Variants in DNAH5 observed in about 807,000 individuals in gnomAD.
DNAH5 encodes the protein axonemal beta dynein heavy chain 5.
DNAH5 carries 372 observed loss-of-function variants against 518.2 expected under a neutral mutation model. The observed-to-expected ratio is 0.72, with a 90% CI of 0.66 to 0.78. The LOEUF (loss-of-function observed/expected upper bound fraction) is 0.78, where lower values mean the gene tolerates loss of function less well. Ranked by LOEUF, DNAH5 falls within the 30% of genes least tolerant of loss-of-function variation. DNAH5 has a pLI of 0.00. For synonymous variants in DNAH5, 2,039 were observed against 2,025.9 expected (o/e 1.01, Z -0.17); for missense variants, 5,523 against 5,687.0 (o/e 0.97, Z 0.93).
At chr5:13,726,863 G>A (rs1025966188) in intron 70 of DNAH5, among the ~76,000 whole-genome samples, 10 of 152,194 alleles carry the variant, frequency 6.6e-5, no homozygotes, top group African/African-American at 2.4e-4. Context: ...AACCTGGGCT[G>A]AATATCAGCG....
chr5:13,859,677 T>TA, intron 29 of DNAH5, 72 bp from the exon 30 acceptor site: 1 of 1,464,778 alleles, frequency 6.8e-7, no homozygotes, highest in Non-Finnish European at 9.5e-7. Context: ...AAAAGGTTTT[T>TA]AAAAATCTTA....
In DNAH5 at chr5:13,737,299, G is replaced by T. The variant is rs1747648564; in HGVS notation, c.11408C>A (p.Ala3803Asp). 5.0e-6 allele frequency: 8 copies of T among 1,614,004 alleles called. No individual in the cohort carries two copies. Among genetic ancestry groups the T allele is most frequent in the African/African-American group, 1.3e-5 (1 of 74,982 alleles). The change falls in exon 66 of 79, where the codon GCT becomes GAT. Residue 3803 changes from alanine (A) to aspartate (D), a missense_variant. Transcript: ENST00000265104. ...EEVTQKLEISAETEVQINSAR... is the reference protein window; with the variant it reads ...EEVTQKLEISDETEVQINSAR... ...TGAGTTAATTTGAACTTCTGTCTCA[G>T]CAGAAATTTCTAGCTTCTGTGTCAC...
At chr5:13,960,090 T>C (rs1315943553) in intron 1 of DNAH5, among the ~76,000 whole-genome samples, 4 of 148,670 alleles carry the variant, frequency 2.7e-5, no homozygotes, top group African/African-American at 7.6e-5. Flanking sequence ...CCCTACGGCA[T>C]GAGGGGAACG....
At position 13,751,061 on chromosome 5, in the gene DNAH5, A is replaced by G; in HGVS notation, c.11211+17T>C. On this transcript the variant is annotated intron_variant, in intron 65 of 78. Coordinates refer to ENST00000265104, the MANE Select transcript of DNAH5 (RefSeq NM_001369.3). ...ATTAAAGCAATGCAGAATGGGAGGG[A>G]GCCACACTTCACTCACCTGCTTCTC... 6.2e-7 allele frequency: 1 copy of G among 1,613,334 alleles called. No homozygotes were observed. Among genetic ancestry groups the G allele is most frequent in the South Asian group, 1.1e-5 (1 of 91,072 alleles).
chr5:13,963,404 C>A (rs897778330), intron 1 of DNAH5, among the ~76,000 whole-genome samples: 2 of 151,964 alleles, frequency 1.3e-5, no homozygotes, highest in African/African-American at 2.4e-5. Flanking sequence ...GTGGCAAAAC[C>A]CCATCTCTAC....
At chr5:13,988,226 A>G (rs1382971572) in intron 1 of DNAH5, among the ~76,000 whole-genome samples, 1 of 152,190 alleles carries the variant, frequency 6.6e-6, no homozygotes, top group Non-Finnish European at 1.5e-5. Flanking sequence ...ATGAATGTAA[A>G]TCGTAGAGAG....
chr5:13,884,949 T>A (rs1772191809), intron 19 of DNAH5, 40 bp downstream of exon 19: 1 of 1,613,384 alleles, frequency 6.2e-7, no homozygotes, highest in African/African-American at 1.3e-5. Context: ...CCAGCAACTA[T>A]GCCTGATCAT....
At chr5:13,786,375 T>A in intron 51 of DNAH5, 24 bp from the exon 52 acceptor site, 1 of 1,612,216 alleles carries the variant, frequency 6.2e-7, no homozygotes. Context: ...TAAGAATCAG[T>A]TAAGTTTCTG....
chr5:13,927,839 G>A (rs796069108), intron 3 of DNAH5, among the ~76,000 whole-genome samples: 1 of 152,116 alleles, frequency 6.6e-6, no homozygotes, highest in Non-Finnish European at 1.5e-5. Flanking sequence ...AGGAATATGA[G>A]ACAACTCCAA....
intron 1 of DNAH5, among the ~76,000 whole-genome samples, chr5:13,938,790 T>C (rs1023498475): frequency 6.6e-6 from 1 of 152,130 alleles, no homozygotes; most frequent in Non-Finnish European, 1.5e-5. Context: ...AGATAATTGA[T>C]CACTTGATGA....
chr5:13,799,212 C>CG (rs1554054089), intron 47 of DNAH5, among the ~76,000 whole-genome samples: 2 of 101,542 alleles, frequency 2.0e-5, no homozygotes, highest in East Asian at 4.7e-4. Flanking sequence ...TCATACCCCC[C>CG]CCCACAAAAA....
chr5:13,716,044 A>C (rs1744241605), intron 74 of DNAH5, among the ~76,000 whole-genome samples: 1 of 152,232 alleles, frequency 6.6e-6, no homozygotes, highest in South Asian at 2.1e-4. Context: ...TAGGCTGTCC[A>C]TTAGGCCAGG....
At chr5:13,987,591 G>T (rs942547677) in intron 1 of DNAH5, among the ~76,000 whole-genome samples, 1 of 152,146 alleles carries the variant, frequency 6.6e-6, no homozygotes, top group Non-Finnish European at 1.5e-5. Context: ...AGTGGCTCAC[G>T]CCTGTAATCC....
At chr5:13,868,060 T>C (rs1434364811) in intron 24 of DNAH5, 68 bp from the exon 25 acceptor site, 1 of 1,162,576 alleles carries the variant, frequency 8.6e-7, no homozygotes. Flanking sequence ...AGCCATTTAT[T>C]AAATGATAAG....
chr5:13,729,405 G>A, intron 69 of DNAH5, 34 bp downstream of exon 69: 2 of 1,612,948 alleles, frequency 1.2e-6, no homozygotes, highest in Non-Finnish European at 1.7e-6. Flanking sequence ...TGCTCAACAT[G>A]ACATCAGCTT....
chr5:13,885,302 C>CAT (rs1772251578), intron 18 of DNAH5, 74 bp from the exon 19 acceptor site: 1 of 1,537,500 alleles, frequency 6.5e-7, no homozygotes, highest in African/African-American at 1.4e-5. Flanking sequence ...GATAGATAGA[C>CAT]AGATAGATAG....
Position 13,808,246 on chromosome 5 carries a change from A to AAAAAAAAAAG in DNAH5, c.7753-522_7753-521insCTTTTTTTTT, listed in dbSNP as rs1377994954. The stretch of plus-strand genomic sequence containing the variant: ...ATCTCAAAAAAAAAAAAAAAAAAAA[A>AAAAAAAAAAG]AAGAGGAAATTTGTATACACAAAGA... On this transcript the variant is annotated intron_variant, in intron 46 of 78. Transcript: ENST00000265104. 3.4e-3 allele frequency among the ~76,000 whole-genome samples: 488 copies of AAAAAAAAAAG among 143,552 alleles called. 9 individuals are homozygous for AAAAAAAAAAG. Among genetic ancestry groups the AAAAAAAAAAG allele is most frequent in the African/African-American group, 0.012 (422 of 36,598 alleles). 94.2% of individuals were successfully genotyped at this position (143,552 alleles called of 152,430 possible).
chr5:13,727,828 C>G (rs1745960922), intron 69 of DNAH5, among the ~76,000 whole-genome samples, 172 bp from the exon 70 acceptor site: 2 of 152,100 alleles, frequency 1.3e-5, no homozygotes, highest in Admixed American at 1.3e-4. Flanking sequence ...AATCTAATGT[C>G]ATTTGCTCCA....
chr5:13,927,359 G>A (rs962240258), intron 3 of DNAH5, among the ~76,000 whole-genome samples: 5 of 152,002 alleles, frequency 3.3e-5, no homozygotes, highest in African/African-American at 1.2e-4. Context: ...GGGCGTGGTG[G>A]CGCGCACCTG....
Sources: gnomAD v4.1 joint callset for allele counts (sites outside exome capture counted in the v4.1 genomes callset) on GRCh38, gnomAD v4.1.1 for gene constraint, MANE v1.5 for transcripts, NCBI Gene and HGNC (gene_info 2026-07-23, HGNC 2026-07-21) for gene names.